Variants in MAML3 observed in about 807,000 individuals in gnomAD.
MAML3 encodes the protein mastermind-like protein 3.
A neutral mutation model predicts 101.9 loss-of-function variants in MAML3; 27 were observed. The observed-to-expected ratio is 0.27, with a 90% CI of 0.20 to 0.37. The LOEUF is 0.37. MAML3 is among the 10% of genes least tolerant of loss of function. MAML3 has a pLI of 1.00. For missense variants in MAML3, 1,316 were observed against 1,444.9 expected, an observed-to-expected ratio of 0.91 and a Z score of 1.45; for synonymous variants, 501 against 555.9, an observed-to-expected ratio of 0.90 and a Z score of 1.39.
intron 1 of MAML3, among the ~76,000 whole-genome samples, chr4:140,092,924 C>G (rs920719970): frequency 6.6e-6 from 1 of 152,134 alleles, no homozygotes. Flanking sequence ...GATATTAAAG[C>G]AACAGAAACT....
At chr4:139,894,503 C>T (rs1478200809) in intron 1 of MAML3, among the ~76,000 whole-genome samples, 5 of 125,400 alleles carry the variant, frequency 4.0e-5, no homozygotes, top group Non-Finnish European at 8.1e-5. Context: ...AGCAAGACTC[C>T]ATCTTAAAAA....
chr4:139,900,074 G>GT (rs56842932), intron 1 of MAML3, among the ~76,000 whole-genome samples: 1,737 of 151,816 alleles, frequency 0.011, 29 homozygotes, highest in African/African-American at 0.04. Flanking sequence ...CAGCCCAGGG[G>GT]ACAGAACCAC....
chr4:140,025,514 A>C (rs1726807537), intron 1 of MAML3, among the ~76,000 whole-genome samples: 7 of 152,220 alleles, frequency 4.6e-5, no homozygotes, highest in Admixed American at 3.9e-4. Flanking sequence ...TATGATAGAT[A>C]AAATTATTTA....
intron 2 of MAML3, among the ~76,000 whole-genome samples, chr4:139,868,572 C>T (rs182881441): frequency 1.1e-4 from 17 of 152,240 alleles, no homozygotes; most frequent in Admixed American, 8.5e-4. Flanking sequence ...TTACTAGATA[C>T]GTGCTCTTAG....
At chr4:140,059,508 A>C (rs2038006703) in intron 1 of MAML3, among the ~76,000 whole-genome samples, 1 of 152,230 alleles carries the variant, frequency 6.6e-6, no homozygotes, top group South Asian at 2.1e-4. Flanking sequence ...GGTGAAAAGA[A>C]ATGCTCTGAC....
At chr4:139,945,044 C>T (rs1733698151) in intron 1 of MAML3, among the ~76,000 whole-genome samples, 1 of 152,124 alleles carries the variant, frequency 6.6e-6, no homozygotes, top group East Asian at 1.9e-4. Flanking sequence ...GAGTTGGAAC[C>T]AACCCAAATG....
chr4:140,016,441 A>T (rs1726643363), intron 1 of MAML3, among the ~76,000 whole-genome samples: 1 of 152,240 alleles, frequency 6.6e-6, no homozygotes. Context: ...TCTAAAATGT[A>T]TGTGAAAATG....
At chr4:139,885,588 T>C (rs915005497) in intron 2 of MAML3, among the ~76,000 whole-genome samples, 2 of 148,876 alleles carry the variant, frequency 1.3e-5, no homozygotes, top group African/African-American at 4.9e-5. Flanking sequence ...ATCTGGGAGG[T>C]TTAGTCCATG....
At chr4:139,898,780 C>T (rs919808740) in intron 1 of MAML3, among the ~76,000 whole-genome samples, 9 of 152,176 alleles carry the variant, frequency 5.9e-5, no homozygotes, top group African/African-American at 2.2e-4. Flanking sequence ...CCTATGAACA[C>T]ATGGATGAAT....
intron 1 of MAML3, among the ~76,000 whole-genome samples, chr4:139,903,296 A>G (rs755206185): frequency 2.6e-5 from 4 of 152,202 alleles, no homozygotes; most frequent in Non-Finnish European, 5.9e-5. Flanking sequence ...TTCTGCAGTA[A>G]TTTCATAACA....
At chr4:139,925,870 T>A (rs750644075) in intron 1 of MAML3, among the ~76,000 whole-genome samples, 60 of 152,104 alleles carry the variant, frequency 3.9e-4, no homozygotes, top group Non-Finnish European at 7.2e-4. Flanking sequence ...GTGAAGGGTG[T>A]CAGTCCATTC....
chr4:139,900,560 T>G (rs558801041), intron 1 of MAML3, among the ~76,000 whole-genome samples: 40 of 152,312 alleles, frequency 2.6e-4, no homozygotes, highest in Middle Eastern at 3.4e-3. Flanking sequence ...ATAAATTATA[T>G]TTTCATCACA....
At chr4:140,141,852 G>T (rs1386953138) in intron 1 of MAML3, among the ~76,000 whole-genome samples, 2 of 152,134 alleles carry the variant, frequency 1.3e-5, no homozygotes, top group African/African-American at 4.8e-5. Context: ...AGATTCAGGG[G>T]CTATATTAAA....
intron 2 of MAML3, among the ~76,000 whole-genome samples, chr4:139,746,082 T>C (rs1729310589): frequency 6.6e-6 from 1 of 152,220 alleles, no homozygotes; most frequent in African/African-American, 2.4e-5. Flanking sequence ...GTAGACTTCA[T>C]AACAAATGTG....
At chr4:140,107,327 C>A (rs544006636) in intron 1 of MAML3, among the ~76,000 whole-genome samples, 1 of 152,208 alleles carries the variant, frequency 6.6e-6, no homozygotes, top group South Asian at 2.1e-4. Context: ...AAATCTGAGT[C>A]TAGTTTTCAA....
At chr4:140,107,543 C>T (rs1435721359) in intron 1 of MAML3, among the ~76,000 whole-genome samples, 1 of 148,448 alleles carries the variant, frequency 6.7e-6, no homozygotes, top group African/African-American at 2.5e-5. Context: ...CTCGCTCTGT[C>T]ACCCAGGCTG....
At chr4:139,985,027 T>C (rs1406537979) in intron 1 of MAML3, among the ~76,000 whole-genome samples, 1 of 152,362 alleles carries the variant, frequency 6.6e-6, no homozygotes, top group East Asian at 1.9e-4. Context: ...ATATAGATTC[T>C]GGCAGTTTTT....
intron 2 of MAML3, among the ~76,000 whole-genome samples, chr4:139,749,779 A>G (rs1729443929): frequency 6.6e-6 from 1 of 152,200 alleles, no homozygotes; most frequent in Non-Finnish European, 1.5e-5. Context: ...GATGAATAAT[A>G]CAGAGTTTTG....
intron 1 of MAML3, among the ~76,000 whole-genome samples, chr4:140,076,848 T>C (rs1230951280): frequency 6.6e-6 from 1 of 152,082 alleles, no homozygotes; most frequent in African/African-American, 2.4e-5. Flanking sequence ...TATCTCGTTT[T>C]TGTTTTTTTG....
Sources: allele counts gnomAD v4.1 joint callset (sites outside exome capture counted in the v4.1 genomes callset), GRCh38; gene constraint gnomAD v4.1.1; transcripts MANE v1.5; gene names NCBI Gene and HGNC (gene_info 2026-07-23, HGNC 2026-07-21).